The following ULK4 variants were observed in gnomAD, a reference collection of about 807,000 sequenced individuals.
ULK4 encodes the protein inactive serine/threonine-protein kinase ULK4.
ULK4 carries 133 observed loss-of-function variants against 160.6 expected under a neutral mutation model. The ratio of observed to expected loss-of-function variants is 0.83; its 90% CI spans 0.72 to 0.96. The LOEUF (loss-of-function observed/expected upper bound fraction) is 0.96, where lower values mean the gene tolerates loss of function less well. Among genes scored for constraint, ULK4 ranks in the 40% least tolerant of loss-of-function variants. ULK4 has a pLI of 0.00. For synonymous variants in ULK4, 534 were observed against 539.8 expected (o/e 0.99, Z 0.15); for missense variants, 1,580 against 1,499.5 (o/e 1.05, Z -0.89).
At chr3:41,871,385 A>T (rs1247823313) in intron 17 of ULK4, among the ~76,000 whole-genome samples, 1 of 152,238 alleles carries the variant, frequency 6.6e-6, no homozygotes, top group Non-Finnish European at 1.5e-5. Context: ...ATTCATATGG[A>T]TATGTAATAT....
At chr3:41,894,511 TAACA>T (rs1265920877) in intron 16 of ULK4, among the ~76,000 whole-genome samples, 1 of 152,172 alleles carries the variant, frequency 6.6e-6, no homozygotes, top group Non-Finnish European at 1.5e-5. Flanking sequence ...GTGCCTGTCC[TAACA>T]ATCATGAGAT....
intron 34 of ULK4, among the ~76,000 whole-genome samples, chr3:41,424,831 C>CAAAAAAAAAAAAAAA (rs36097613): frequency 1.6e-5 from 1 of 62,400 alleles, no homozygotes; most frequent in Non-Finnish European, 2.9e-5. Context: ...AAGAAATCAT[C>CAAAAAAAAAAAAAAA]AAAAAAAAAA....
chr3:41,688,006 C>A (rs1329094782), intron 27 of ULK4: 1 of 152,260 alleles, frequency 6.6e-6, no homozygotes, highest in African/African-American at 2.4e-5. Flanking sequence ...CTGCCTACAA[C>A]ACCCACTCCC....
rs750777981 is a variant in ULK4, at chr3:41,262,535, A to T, written c.3679-12961T>A. ...CCTCCTGGGGTCTGTATGTTCCCTT[A>T]ACTTAGCCTGACACCTCCATTCACC... is the stretch of plus-strand genomic sequence containing the variant. On this transcript the variant is annotated intron_variant, in intron 35 of 36. Transcript: ENST00000301831. Among the ~76,000 whole-genome samples, 8 of 152,174 alleles carry T rather than the reference A, an allele frequency of 5.3e-5. No homozygotes were observed. In the South Asian group the frequency reaches 1.7e-3, roughly 32 times the overall value.
intron 34 of ULK4, among the ~76,000 whole-genome samples, chr3:41,414,108 G>A (rs544091077): frequency 5.1e-4 from 77 of 152,230 alleles, no homozygotes; most frequent in Non-Finnish European, 7.9e-4. Flanking sequence ...GGCCAAGGCA[G>A]GAGAATCGCT....
intron 30 of ULK4, among the ~76,000 whole-genome samples, chr3:41,619,380 C>T (rs2125688252): frequency 2.0e-5 from 3 of 152,226 alleles, no homozygotes; most frequent in East Asian, 3.9e-4. Flanking sequence ...TAGAAGTAAA[C>T]ACTCCTCAGC....
intron 35 of ULK4, among the ~76,000 whole-genome samples, chr3:41,347,603 A>G (rs1298701819): frequency 6.6e-6 from 1 of 151,614 alleles, no homozygotes; most frequent in African/African-American, 2.4e-5. Flanking sequence ...TCCTCACGTG[A>G]TTCCTCCTAT....
Position 41,743,564 on chromosome 3 carries a change from T to C in ULK4, c.2321+10797A>G, listed in dbSNP as rs143405911. On this transcript the variant is annotated intron_variant, in intron 22 of 36. Transcript: ENST00000301831. ...TAGAGGTAGATGCAACAGTCTAATT[T>C]ACTTCTAATAAATTTCTTAAATCAT... 3.5e-3 allele frequency among the ~76,000 whole-genome samples: 527 copies of C among 152,122 alleles called. 13 individuals carry two copies. Among genetic ancestry groups the C allele is most frequent in the African/African-American group, 0.012 (502 of 41,378 alleles).
intron 35 of ULK4, among the ~76,000 whole-genome samples, chr3:41,322,345 T>A (rs997993599): frequency 2.6e-5 from 4 of 152,188 alleles, no homozygotes; most frequent in South Asian, 2.1e-4. Flanking sequence ...AAAGCTTTTT[T>A]AATAAACGTT....
At chr3:41,730,685 C>T (rs1332179473) in intron 22 of ULK4, among the ~76,000 whole-genome samples, 17 of 152,092 alleles carry the variant, frequency 1.1e-4, no homozygotes, top group Admixed American at 1.0e-3. Context: ...TACTGTCAAA[C>T]ATTTAAAGAA....
At chr3:41,561,951 T>G (rs1270825557) in intron 32 of ULK4, among the ~76,000 whole-genome samples, 2 of 152,204 alleles carry the variant, frequency 1.3e-5, no homozygotes, top group African/African-American at 4.8e-5. Flanking sequence ...AATTGTGATG[T>G]TAGGGTGCAG....
intron 20 of ULK4, among the ~76,000 whole-genome samples, chr3:41,797,093 A>G (rs2040322440): frequency 6.6e-6 from 1 of 152,126 alleles, no homozygotes; most frequent in South Asian, 2.1e-4. Flanking sequence ...GAATACGTAC[A>G]TGCATGCTGA....
intron 29 of ULK4, among the ~76,000 whole-genome samples, chr3:41,677,525 G>T (rs760824446): frequency 4.0e-5 from 6 of 150,746 alleles, no homozygotes; most frequent in Non-Finnish European, 8.9e-5. Context: ...TAGAGACCAG[G>T]TTTCACCATG....
At chr3:41,460,879 A>G (rs903123389) in intron 33 of ULK4, among the ~76,000 whole-genome samples, 1 of 152,120 alleles carries the variant, frequency 6.6e-6, no homozygotes, top group African/African-American at 2.4e-5. Flanking sequence ...AGATGAGGAA[A>G]CTGATACTTA....
At chr3:41,250,911 GCATAAACTTA>G (rs1416446640) in intron 35 of ULK4, 1 of 152,192 alleles carries the variant, frequency 6.6e-6, no homozygotes, top group East Asian at 1.9e-4. Flanking sequence ...TCTGAAGTAT[GCATAAACTTA>G]CACTGAAGGT....
intron 32 of ULK4, among the ~76,000 whole-genome samples, chr3:41,520,587 T>G (rs543393265): frequency 6.6e-6 from 1 of 152,328 alleles, no homozygotes; most frequent in Non-Finnish European, 1.5e-5. Context: ...ATAAGAGAAT[T>G]GCTCAATCAT....
At chr3:41,558,959 C>T (rs9859504) in intron 32 of ULK4, among the ~76,000 whole-genome samples, 113,800 of 127,930 alleles carry the variant, frequency 0.89, 51,654 homozygotes, top group Middle Eastern at 0.96. Flanking sequence ...ATGTGCCATG[C>T]TGGTGTGCTG....
At chr3:41,594,773 T>C (rs1444584341) in intron 31 of ULK4, among the ~76,000 whole-genome samples, 3 of 151,846 alleles carry the variant, frequency 2.0e-5, no homozygotes, top group Non-Finnish European at 4.4e-5. Context: ...TCTAGCTAAA[T>C]GGAACGCAAA....
intron 29 of ULK4, 40 bp downstream of exon 29, chr3:41,681,468 C>G: frequency 6.2e-7 from 1 of 1,610,736 alleles, no homozygotes; most frequent in Non-Finnish European, 8.5e-7. Flanking sequence ...TCCTGGATAG[C>G]CTACACTTCT....
Sources: gnomAD v4.1 joint callset for allele counts (sites outside exome capture counted in the v4.1 genomes callset) on GRCh38, gnomAD v4.1.1 for gene constraint, MANE v1.5 for transcripts, NCBI Gene and HGNC (gene_info 2026-07-23, HGNC 2026-07-21) for gene names.